TPO: variants seen among roughly 807,000 people sequenced by gnomAD.
TPO encodes thyroid peroxidase.
Under a neutral mutation model 96.9 loss-of-function variants are expected in TPO, and 78 were observed. That is an observed-to-expected ratio of 0.81 (90% CI 0.67 to 0.97). The LOEUF (loss-of-function observed/expected upper bound fraction) is 0.97, where lower values mean the gene tolerates loss of function less well. Ranked by LOEUF, TPO falls within the 50% of genes least tolerant of loss-of-function variation. TPO has a pLI of 0.00. For synonymous variants in TPO, 547 were observed against 538.0 expected, an observed-to-expected ratio of 1.02 and a Z score of -0.23; for missense variants, 1,252 against 1,274.8, an observed-to-expected ratio of 0.98 and a Z score of 0.27.
intron 13 of TPO, among the ~76,000 whole-genome samples, chr2:1,497,493 C>T (rs1672476252): frequency 1.3e-5 from 2 of 152,168 alleles, no homozygotes; most frequent in South Asian, 2.1e-4. Context: ...CCTCTGGGTG[C>T]GACTCCTGAG....
rs372225161 is a variant in TPO at position 1,493,837 on chromosome 2, C to T, written c.1804C>T (p.Arg602Cys). The T allele has an allele frequency of 8.7e-6, 14 of 1,613,988 alleles. No homozygotes were observed. Among genetic ancestry groups the T allele is most frequent in the African/African-American group, 5.3e-5 (4 of 74,938 alleles). The part of the protein sequence containing the change: ...NEWREFCGLP[R>C]LETPADLSTA... ...GTGGAGGGAGTTCTGCGGCCTGCCT[C>T]GCCTGGAGACCCCCGCTGACCTGAG... Residue 602 changes from arginine to cysteine, a missense_variant, in exon 11 of 17, where the codon CGC (arginine) becomes TGC (cysteine). Coordinates refer to ENST00000329066, the MANE Select transcript of TPO (RefSeq NM_001206744.2).
chr2:1,409,238 T>C (rs1159790203), upstream of TPO, among the ~76,000 whole-genome samples: 1 of 152,184 alleles, frequency 6.6e-6, no homozygotes, highest in African/African-American at 2.4e-5. Flanking sequence ...GCCATTAAAA[T>C]GGTTACTGCT....
chr2:1,481,197 TAAGAC>T (rs140492319), intron 8 of TPO, among the ~76,000 whole-genome samples: 11,537 of 152,098 alleles, frequency 0.076, 739 homozygotes, highest in African/African-American at 0.17. Flanking sequence ...AGGTGTGTCA[TAAGAC>T]AAGAACTCAC....
At chr2:1,521,592 T>G (rs919995914) in intron 15 of TPO, among the ~76,000 whole-genome samples, 1 of 152,134 alleles carries the variant, frequency 6.6e-6, no homozygotes, top group Non-Finnish European at 1.5e-5. Flanking sequence ...GAACTGCATG[T>G]TGATGACAGG....
intron 5 of TPO, among the ~76,000 whole-genome samples, chr2:1,451,874 G>A (rs1286317417): frequency 1.3e-5 from 2 of 151,672 alleles, no homozygotes; most frequent in Non-Finnish European, 2.9e-5. Flanking sequence ...AATAATTTAT[G>A]CCTTATAAAT....
rs527486484 is a variant in TPO at position 1,395,408 on chromosome 2, G to A, written n.180+21006G>A. On this transcript the variant is annotated intron_variant and non_coding_transcript_variant, in intron 1 of 5. Coordinates refer to the TPO transcript ENST00000497517. ...ATTATTAAAAAGCTCTGCACTTAAA[G>A]GTCATGGGGAAACTTAAATGGCAAA... is the stretch of plus-strand genomic sequence containing the variant. 5.9e-5 allele frequency among the ~76,000 whole-genome samples: 9 copies of A among 152,272 alleles called. No homozygotes were observed. The East Asian group carries it at 1.7e-3, about 29-fold the overall frequency.
At chr2:1,517,101 A>T in intron 15 of TPO, 119 bp downstream of exon 15, 2 of 1,005,134 alleles carry the variant, frequency 2.0e-6, no homozygotes, top group East Asian at 5.2e-5. Flanking sequence ...GGTATCTCAA[A>T]GGCATTGATC....
chr2:1,489,699 C>T (rs576104845), intron 10 of TPO, among the ~76,000 whole-genome samples: 9 of 134,458 alleles, frequency 6.7e-5, no homozygotes, highest in South Asian at 2.5e-4. Context: ...GGCAAATAAA[C>T]GCTGACAAGG....
In TPO at chr2:1,433,452, G is replaced by T. The variant is rs750244726; in HGVS notation, c.194G>T (p.Arg65Ile). 4.3e-6 allele frequency: 7 copies of T among 1,614,180 alleles called. No individual in the cohort carries two copies. The South Asian group carries it at 7.7e-5, about 18-fold the overall frequency. The change falls in exon 4 of 17, where the codon AGA becomes ATA. Residue 65 changes from arginine (R) to isoleucine (I), a missense_variant. Arg to Ile is a moderately conservative substitution (Grantham distance 97). Coordinates refer to ENST00000329066, the MANE Select transcript of TPO (RefSeq NM_001206744.2). Reference sequence around the variant, plus strand: ...ATGTGCCATAGAAACCTCAAGAAAAGAGGAATCCTTTCTCCAGCTCAGCTT... The same window carrying T: ...ATGTGCCATAGAAACCTCAAGAAAATAGGAATCCTTTCTCCAGCTCAGCTT... Reference protein sequence around the residue: ...YATMQRNLKKRGILSPAQLLS... With the variant: ...YATMQRNLKKIGILSPAQLLS...
chr2:1,375,549 G>A (rs1243002227), intron 1 of TPO, among the ~76,000 whole-genome samples: 1 of 151,994 alleles, frequency 6.6e-6, no homozygotes, highest in Non-Finnish European at 1.5e-5. Flanking sequence ...GCAATCTCGT[G>A]GGCCTCTGAT....
chr2:1,502,371 T>G (rs543901634), intron 13 of TPO, among the ~76,000 whole-genome samples: 1 of 152,226 alleles, frequency 6.6e-6, no homozygotes, highest in South Asian at 2.1e-4. Flanking sequence ...CCCTTGAAAT[T>G]TCTTGACCCT....
At chr2:1,436,517 C>A (rs2148502554) in intron 5 of TPO, 133 bp downstream of exon 5, 1 of 1,397,780 alleles carries the variant, frequency 7.2e-7, no homozygotes, top group Non-Finnish European at 9.8e-7. Context: ...CTGTCCTTGG[C>A]CTCCCCGACA....
At position 1,536,904 on chromosome 2, in the gene TPO, CAACT is replaced by C. The variant is rs1287574094; in HGVS notation, c.2619-3689_2619-3686del. Among the ~76,000 whole-genome samples the C allele has an allele frequency of 1.2e-4, 16 of 136,128 alleles. No homozygotes were observed. In the East Asian group the frequency reaches 3.6e-3, roughly 31 times the overall value. The allele number at this position is 136,128 out of a possible 152,430, so 89.3% of individuals were successfully genotyped here. On this transcript the variant is annotated intron_variant, in intron 15 of 16. Coordinates refer to ENST00000329066, the MANE Select transcript of TPO (RefSeq NM_001206744.2). ...CACTCTGTGCAACCTCCCCAAATCCCAACTGTTTGCAACCTCCCAAATCCCCCCC... is the reference window on the plus strand; with the variant it reads ...CACTCTGTGCAACCTCCCCAAATCCCGTTTGCAACCTCCCAAATCCCCCCC...
chr2:1,533,393 ACT>A (rs1304262959), intron 15 of TPO, among the ~76,000 whole-genome samples: 7 of 101,884 alleles, frequency 6.9e-5, no homozygotes, highest in Admixed American at 1.3e-4. Flanking sequence ...AAATCCCCAC[ACT>A]GTTTGCAACC....
intron 1 of TPO, among the ~76,000 whole-genome samples, chr2:1,388,033 T>C (rs1254086087): frequency 6.6e-6 from 1 of 152,218 alleles, no homozygotes; most frequent in East Asian, 1.9e-4. Context: ...TGAATATTGC[T>C]GAACAGCAAA....
At chr2:1,404,405 T>TGG (rs1662217766) in intron 1 of TPO, among the ~76,000 whole-genome samples, 1 of 152,206 alleles carries the variant, frequency 6.6e-6, no homozygotes, top group African/African-American at 2.4e-5. Context: ...GGGACTGAAC[T>TGG]GTGTCCCCAG....
intron 5 of TPO, among the ~76,000 whole-genome samples, chr2:1,437,296 C>T (rs1202463271): frequency 1.3e-5 from 2 of 152,102 alleles, no homozygotes; most frequent in Non-Finnish European, 2.9e-5. Context: ...GCCCGGTGGT[C>T]ACCTAGAAGC....
intron 14 of TPO, among the ~76,000 whole-genome samples, chr2:1,509,096 C>T (rs1673792511): frequency 6.6e-6 from 1 of 152,160 alleles, no homozygotes; most frequent in South Asian, 2.1e-4. Context: ...TCTTTGTTCT[C>T]GTTCGTTTCA....
At chr2:1,386,792 G>A (rs1157997434) in intron 1 of TPO, among the ~76,000 whole-genome samples, 2 of 152,200 alleles carry the variant, frequency 1.3e-5, no homozygotes, top group Non-Finnish European at 2.9e-5. Context: ...AGTTGATGCA[G>A]TTTCTTCCTA....
Sources: allele counts gnomAD v4.1 joint callset (sites outside exome capture counted in the v4.1 genomes callset), GRCh38; gene constraint gnomAD v4.1.1; transcripts MANE v1.5; gene names NCBI Gene and HGNC (gene_info 2026-07-23, HGNC 2026-07-21).